RHOH: variants seen among roughly 807,000 people sequenced by gnomAD.
RHOH encodes the protein rho-related GTP-binding protein RhoH.
In RHOH, 6 loss-of-function variants were observed where a neutral mutation model predicts 13.8. The ratio of observed to expected loss-of-function variants is 0.44; its 90% confidence interval spans 0.24 to 0.86. The LOEUF (loss-of-function observed/expected upper bound fraction) is 0.86, where lower values mean the gene tolerates loss of function less well. RHOH is among the 40% of genes least tolerant of loss of function. The probability of loss-of-function intolerance (pLI) is 0.24; values close to 1 mark genes in which losing one functional copy is unlikely to be tolerated. For synonymous variants in RHOH, 117 were observed against 103.0 expected, an observed-to-expected ratio of 1.14 and a Z score of -0.82; for missense variants, 147 against 244.5, an observed-to-expected ratio of 0.60 and a Z score of 2.66.
chr4:40,239,525 CTACT>C (rs1210015368), intron 1 of RHOH, among the ~76,000 whole-genome samples: 1 of 152,172 alleles, frequency 6.6e-6, no homozygotes, highest in Non-Finnish European at 1.5e-5. Context: ...TTAATAGGGA[CTACT>C]TACTGTGTGT....
At chr4:40,226,483 G>A (rs940440669) in intron 1 of RHOH, among the ~76,000 whole-genome samples, 11 of 145,802 alleles carry the variant, frequency 7.5e-5, no homozygotes, top group East Asian at 6.3e-4. Flanking sequence ...CCGAGATCAC[G>A]CCATTGCACT....
At chr4:40,232,915 C>A (rs1322531695) in intron 1 of RHOH, among the ~76,000 whole-genome samples, 1 of 152,156 alleles carries the variant, frequency 6.6e-6, no homozygotes, top group African/African-American at 2.4e-5. Context: ...GCGGGGCTCC[C>A]AAATCACCAC....
chr4:40,229,583 G>A (rs1727655936), intron 1 of RHOH, among the ~76,000 whole-genome samples: 1 of 147,880 alleles, frequency 6.8e-6, no homozygotes, highest in South Asian at 2.1e-4. Flanking sequence ...GCAGTGAGTT[G>A]AGATCTTGCC....
intron 1 of RHOH, among the ~76,000 whole-genome samples, chr4:40,214,898 C>T (rs1250206874): frequency 6.6e-6 from 1 of 152,108 alleles, no homozygotes; most frequent in Non-Finnish European, 1.5e-5. Flanking sequence ...AATGGCTCTC[C>T]CCGTGGGGAA....
chr4:40,215,907 G>A (rs531983540), intron 1 of RHOH, among the ~76,000 whole-genome samples: 21 of 152,134 alleles, frequency 1.4e-4, no homozygotes, highest in Admixed American at 5.9e-4. Context: ...GTGACAGAGC[G>A]AGACTCTGTA....
intron 1 of RHOH, among the ~76,000 whole-genome samples, chr4:40,221,432 A>C (rs1036882253): frequency 1.3e-5 from 2 of 152,198 alleles, no homozygotes; most frequent in African/African-American, 4.8e-5. Flanking sequence ...CCATTTTCCC[A>C]ACAGCGTATG....
chr4:40,231,043 AT>A (rs1265046950), intron 1 of RHOH, among the ~76,000 whole-genome samples: 5 of 152,172 alleles, frequency 3.3e-5, no homozygotes, highest in Admixed American at 2.0e-4. Context: ...TCGTGGACAC[AT>A]TTTTAAATGC....
intron 1 of RHOH, among the ~76,000 whole-genome samples, 180 bp from the exon 2 acceptor site, chr4:40,242,534 C>A (rs544775649): frequency 1.3e-5 from 2 of 152,184 alleles, no homozygotes; most frequent in Non-Finnish European, 2.9e-5. Flanking sequence ...TCTGTTGCAT[C>A]TCTTACCAGT....
At chr4:40,221,321 T>C (rs148288520) in intron 1 of RHOH, among the ~76,000 whole-genome samples, 13 of 152,308 alleles carry the variant, frequency 8.5e-5, no homozygotes, top group East Asian at 7.7e-4. Flanking sequence ...TTTTTTCAGT[T>C]ACTAATACAG....
intron 1 of RHOH, among the ~76,000 whole-genome samples, chr4:40,201,026 G>A (rs547888872): frequency 6.6e-5 from 10 of 152,250 alleles, no homozygotes; most frequent in South Asian, 6.2e-4. Context: ...TCCCCATTTC[G>A]TAGAAAAGAA....
intron 1 of RHOH, among the ~76,000 whole-genome samples, chr4:40,238,214 A>G (rs1352135079): frequency 6.7e-6 from 1 of 149,894 alleles, no homozygotes; most frequent in Admixed American, 6.6e-5. Context: ...TGGCGGGGGC[A>G]TCTGATCTGG....
intron 1 of RHOH, among the ~76,000 whole-genome samples, chr4:40,226,665 G>A (rs1727288964): frequency 6.6e-6 from 1 of 152,104 alleles, no homozygotes; most frequent in Non-Finnish European, 1.5e-5. Context: ...ACTCCTTCCA[G>A]TGCTCTGGGC....
rs1185574226 is a variant in RHOH, at chr4:40,244,019, G to A, written c.*57G>A. 1.4e-6 allele frequency: 2 copies of A among 1,399,226 alleles called. No individual in the cohort carries two copies. The highest frequency in any genetic ancestry group is 2.9e-5 in the African/African-American group (2 of 69,210). The allele number at this position is 1,399,226 out of a possible 1,614,324, so 86.7% of individuals were successfully genotyped here. A position where few individuals can be genotyped will look rare whatever the true frequency, so the allele number is the denominator to read the frequency against. ...TGCACCCCAAAGACTAATGGGGAGA[G>A]GGAGGGCCGGGAAGCCAGGAAAGCT... On this transcript the variant is annotated 3_prime_UTR_variant, in exon 3 of 3. Transcript: ENST00000381799.
chr4:40,233,400 A>G (rs920309500), intron 1 of RHOH, among the ~76,000 whole-genome samples: 2 of 112,790 alleles, frequency 1.8e-5, no homozygotes, highest in Admixed American at 1.6e-4. Flanking sequence ...TGCTGTAGAC[A>G]CTATGCATAG....
chr4:40,224,626 T>A (rs1414769091), intron 1 of RHOH, among the ~76,000 whole-genome samples: 1 of 152,240 alleles, frequency 6.6e-6, no homozygotes, highest in South Asian at 2.1e-4. Flanking sequence ...GAGTAAGTTC[T>A]TAATGGTGTG....
chr4:40,238,707 T>G (rs1728881459), intron 1 of RHOH, among the ~76,000 whole-genome samples: 1 of 152,166 alleles, frequency 6.6e-6, no homozygotes, highest in Non-Finnish European at 1.5e-5. Flanking sequence ...TTCTATCTGA[T>G]TCAAAGCCTG....
intron 1 of RHOH, among the ~76,000 whole-genome samples, chr4:40,198,594 T>C (rs1462362285): frequency 6.6e-6 from 1 of 152,244 alleles, no homozygotes; most frequent in Non-Finnish European, 1.5e-5. Context: ...TGTGCCTGGC[T>C]GTGGGCCTCC....
intron 1 of RHOH, among the ~76,000 whole-genome samples, chr4:40,203,888 G>A (rs535839753): frequency 1.2e-4 from 18 of 152,120 alleles, no homozygotes; most frequent in Admixed American, 1.0e-3. Context: ...GCCATCGAGC[G>A]GTGGTTATTA....
intron 1 of RHOH, among the ~76,000 whole-genome samples, chr4:40,219,138 G>T (rs1447227660): frequency 6.6e-6 from 1 of 152,022 alleles, no homozygotes; most frequent in Non-Finnish European, 1.5e-5. Flanking sequence ...GTGGCTGGGC[G>T]CGGTGGCTCA....
Sources: allele counts gnomAD v4.1 joint callset (sites outside exome capture counted in the v4.1 genomes callset), GRCh38; gene constraint gnomAD v4.1.1; transcripts MANE v1.5; gene names NCBI Gene and HGNC (gene_info 2026-07-23, HGNC 2026-07-21).